The following C12orf56 variants were observed in gnomAD, a reference collection of about 807,000 sequenced individuals.
C12orf56 encodes uncharacterized protein C12orf56.
A neutral mutation model predicts 69.9 loss-of-function variants in C12orf56; 71 were observed. The ratio of observed to expected loss-of-function variants is 1.02; its 90% CI spans 0.84 to 1.24. The LOEUF (loss-of-function observed/expected upper bound fraction) is 1.24. C12orf56 is among the 50% of genes most tolerant of loss of function. The pLI, the probability that C12orf56 is intolerant of heterozygous loss-of-function variation, is 0.00. For missense variants in C12orf56, 732 were observed against 738.5 expected (o/e 0.99, Z 0.10); for synonymous variants, 276 against 274.1 (o/e 1.01, Z -0.07).
chr12:64,371,337 G>A (rs1397855233), intron 1 of C12orf56, among the ~76,000 whole-genome samples: 1 of 152,150 alleles, frequency 6.6e-6, no homozygotes, highest in African/African-American at 2.4e-5. Context: ...GGCAGAGATT[G>A]CAGTGAGCCG....
chr12:64,312,886 A>T, intron 4 of C12orf56, 134 bp from the exon 5 acceptor site: 1 of 607,360 alleles, frequency 1.6e-6, no homozygotes, highest in Non-Finnish European at 2.8e-6. Context: ...AACTCATTCT[A>T]GTGTTTAATA....
At chr12:64,300,083 C>G in intron 6 of C12orf56, among the ~76,000 whole-genome samples, 1 of 152,060 alleles carries the variant, frequency 6.6e-6, no homozygotes, top group East Asian at 1.9e-4. Flanking sequence ...CTAAAGTTCC[C>G]CATTAGGCAT....
At chr12:64,270,416 AC>A (rs2037969014) in intron 12 of C12orf56, 119 bp downstream of exon 12, 1 of 953,004 alleles carries the variant, frequency 1.0e-6, no homozygotes, top group East Asian at 2.8e-5. Flanking sequence ...GAACAAACAA[AC>A]AAAAAAGAAT....
At chr12:64,387,110 A>AAAAAAG (rs2039804855) in intron 1 of C12orf56, among the ~76,000 whole-genome samples, 1 of 123,802 alleles carries the variant, frequency 8.1e-6, no homozygotes, top group Non-Finnish European at 1.8e-5. Flanking sequence ...AAAAAAAAAA[A>AAAAAAG]GATGTGTTCA....
At position 64,274,504 on chromosome 12, in the gene C12orf56, G is replaced by GA. The variant is rs2038026632; in HGVS notation, c.1584+396dup. ...ATTGAGATGTGATTGTAGCATCAAG[G>GA]AAAGAAATGGTGATAATAGGAACTA... On this transcript the variant is annotated intron_variant, in intron 11 of 12. Coordinates refer to ENST00000543942, the MANE Select transcript of C12orf56 (RefSeq NM_001170633.2). Among the ~76,000 whole-genome samples, 2 of 152,186 alleles carry GA rather than the reference G, an allele frequency of 1.3e-5. 1 individual carries two copies. The highest frequency in any genetic ancestry group is 1.3e-4 in the Admixed American group (2 of 15,280).
intron 12 of C12orf56, among the ~76,000 whole-genome samples, chr12:64,269,555 T>G (rs2037955000): frequency 1.3e-5 from 2 of 151,862 alleles, no homozygotes; most frequent in Non-Finnish European, 2.9e-5. Flanking sequence ...TAAGTCACAA[T>G]CCATAATTTA....
At chr12:64,354,348 G>A (rs2039277070) in intron 1 of C12orf56, among the ~76,000 whole-genome samples, 1 of 152,168 alleles carries the variant, frequency 6.6e-6, no homozygotes, top group African/African-American at 2.4e-5. Flanking sequence ...GCAGAGGCAG[G>A]GGAATCACTG....
At chr12:64,280,774 T>C (rs1252913213) in intron 8 of C12orf56, among the ~76,000 whole-genome samples, 14 of 152,096 alleles carry the variant, frequency 9.2e-5, no homozygotes, top group African/African-American at 3.4e-4. Flanking sequence ...CTGCCAGCAA[T>C]CACCCAAATG....
intron 3 of C12orf56, among the ~76,000 whole-genome samples, chr12:64,330,069 A>G (rs979723898): frequency 6.6e-6 from 1 of 152,094 alleles, no homozygotes; most frequent in Non-Finnish European, 1.5e-5. Flanking sequence ...GTCAAATGGT[A>G]TTTCCAGTTC....
intron 3 of C12orf56, among the ~76,000 whole-genome samples, chr12:64,324,794 G>A (rs1405296814): frequency 6.6e-6 from 1 of 152,234 alleles, no homozygotes; most frequent in African/African-American, 2.4e-5. Flanking sequence ...GGAGAGTGTA[G>A]TAGAGGTGTT....
intron 1 of C12orf56, among the ~76,000 whole-genome samples, chr12:64,377,179 A>G (rs1374560949): frequency 6.9e-6 from 1 of 145,032 alleles, no homozygotes; most frequent in African/African-American, 2.5e-5. Flanking sequence ...GTATCTGTTC[A>G]TGTCCTTTGC....
Position 64,265,829 on chromosome 12 carries a change from G to T in C12orf56, c.*1354C>A, listed in dbSNP as rs979945510. On this transcript the variant is annotated 3_prime_UTR_variant, in exon 13 of 13. Coordinates refer to ENST00000543942, the MANE Select transcript of C12orf56 (RefSeq NM_001170633.2). ...CACCTCACGGTGATGCCAAAGTTAA[G>T]TATTTGTGGAATTAAATTAGTTTAT... 6.6e-6 allele frequency: 1 copy of T among 152,182 alleles called. No homozygotes were observed. Among genetic ancestry groups the T allele is most frequent in the Non-Finnish European group, 1.5e-5 (1 of 68,040 alleles). The allele number at this position is 152,182 out of a possible 1,614,324, so 9.4% of individuals were successfully genotyped here. A position where few individuals can be genotyped will look rare whatever the true frequency, so the allele number is the denominator to read the frequency against.
intron 1 of C12orf56, among the ~76,000 whole-genome samples, chr12:64,380,081 G>A (rs1445237958): frequency 8.1e-6 from 1 of 123,098 alleles, no homozygotes; most frequent in Non-Finnish European, 1.6e-5. Context: ...CTCCAGCCTG[G>A]GCGACAGAGC....
At chr12:64,352,109 T>G (rs1222612546) in intron 2 of C12orf56, among the ~76,000 whole-genome samples, 84 of 115,546 alleles carry the variant, frequency 7.3e-4, no homozygotes, top group South Asian at 1.2e-3. Flanking sequence ...GTTTTTTTTT[T>G]TTTTTTGTTT....
chr12:64,361,756 G>C (rs2039402647), intron 1 of C12orf56, among the ~76,000 whole-genome samples: 1 of 151,682 alleles, frequency 6.6e-6, no homozygotes, highest in Non-Finnish European at 1.5e-5. Flanking sequence ...TTTTGAGATG[G>C]AGTTTTGCTC....
intron 1 of C12orf56, among the ~76,000 whole-genome samples, chr12:64,356,170 C>CAAAAAAAAAAAAA (rs761289428): frequency 4.1e-5 from 2 of 48,436 alleles, no homozygotes; most frequent in Non-Finnish European, 7.9e-5. Flanking sequence ...GACTCCATCT[C>CAAAAAAAAAAAAA]AAAAAAAAAA....
chr12:64,287,327 C>A (rs1485132240), intron 6 of C12orf56, among the ~76,000 whole-genome samples: 1 of 149,740 alleles, frequency 6.7e-6, no homozygotes, highest in Non-Finnish European at 1.5e-5. Flanking sequence ...GATAAATTAG[C>A]ATAGTGTGGC....
intron 5 of C12orf56, among the ~76,000 whole-genome samples, chr12:64,311,856 T>A (rs571879114): frequency 2.6e-5 from 4 of 152,138 alleles, no homozygotes; most frequent in Admixed American, 2.6e-4. Context: ...TCTGTTGTAA[T>A]GGAGAATGGG....
At chr12:64,363,247 C>T (rs1005191651) in intron 1 of C12orf56, among the ~76,000 whole-genome samples, 1 of 152,174 alleles carries the variant, frequency 6.6e-6, no homozygotes, top group African/African-American at 2.4e-5. Flanking sequence ...GAAATAAAAT[C>T]TGGGCACTGA....
Sources: allele counts gnomAD v4.1 joint callset (sites outside exome capture counted in the v4.1 genomes callset), GRCh38; gene constraint gnomAD v4.1.1; transcripts MANE v1.5; gene names NCBI Gene and HGNC (gene_info 2026-07-23, HGNC 2026-07-21).